ZNF462: variants seen among roughly 807,000 people sequenced by gnomAD.
The protein encoded by ZNF462 is zinc finger protein 462.
In ZNF462, 10 loss-of-function variants were observed where a neutral mutation model predicts 201.9. The ratio of observed to expected loss-of-function variants is 0.05; its 90% CI spans 0.03 to 0.08. The LOEUF (loss-of-function observed/expected upper bound fraction) is 0.08. Ranked by LOEUF, ZNF462 falls within the 10% of genes least tolerant of loss-of-function variation. The probability of loss-of-function intolerance (pLI) is 1.00; values close to 1 mark genes in which losing one functional copy is unlikely to be tolerated. For synonymous variants in ZNF462, 1,227 were observed against 1,193.3 expected (o/e 1.03, Z -0.58); for missense variants, 2,523 against 3,168.3 (o/e 0.80, Z 4.89).
At position 106,865,803 on chromosome 9, in the gene ZNF462, A is replaced by G. The variant is rs995632462; in HGVS notation, c.-31+2448A>G. Among the ~76,000 whole-genome samples, 1 of 152,232 alleles carries G rather than the reference A, an allele frequency of 6.6e-6. No homozygotes were observed. Among genetic ancestry groups the G allele is most frequent in the Non-Finnish European group, 1.5e-5 (1 of 68,044 alleles). ...GAATTTATTAATCATGTAGGAAGAC[A>G]TTTTGTGAGGATAATTTGAAAAAAG... On this transcript the variant is annotated intron_variant, in intron 1 of 12. Coordinates refer to ENST00000277225, the MANE Select transcript of ZNF462 (RefSeq NM_021224.6). The surrounding 1 kb of genome is among the most constrained non-coding windows in gnomAD (Gnocchi z 4.1).
chr9:106,928,937 C>T lies in ZNF462; in HGVS notation c.5025C>T (p.Ile1675=), dbSNP rs575845522. 1.5e-5 allele frequency: 24 copies of T among 1,613,970 alleles called. No individual in the cohort carries two copies. The highest frequency in any genetic ancestry group is 1.3e-4 in the East Asian group (6 of 44,866). Residue 1675 remains isoleucine, a synonymous_variant, in exon 3 of 13, where the codon ATC becomes ATT. Transcript: ENST00000277225. This position sits in a 1 kb window ranked among gnomAD's most constrained non-coding sequence, Gnocchi z 9.3. The part of the protein sequence containing the change: ...CKYFCSTRKG[I]ARHYRIKHNN... Reference sequence around the variant, plus strand: ...ACTTCTGCTCCACGAGGAAGGGGATCGCCAGGCACTACCGCATCAAGCACA... The same window carrying T: ...ACTTCTGCTCCACGAGGAAGGGGATTGCCAGGCACTACCGCATCAAGCACA...
intron 7 of ZNF462, among the ~76,000 whole-genome samples, chr9:106,965,937 G>A (rs1454872193): frequency 6.6e-6 from 1 of 152,054 alleles, no homozygotes; most frequent in Non-Finnish European, 1.5e-5. Context: ...ATTAAATAAA[G>A]TACATTTTTA....
At chr9:106,955,911 C>G (rs1283015906) in intron 7 of ZNF462, among the ~76,000 whole-genome samples, 1 of 152,118 alleles carries the variant, frequency 6.6e-6, no homozygotes, top group Non-Finnish European at 1.5e-5. Context: ...TTCTGGTTCT[C>G]TTGGTGTTTG....
chr9:106,995,328 CTA>C (rs1828622955), intron 10 of ZNF462, among the ~76,000 whole-genome samples: 1 of 152,030 alleles, frequency 6.6e-6, no homozygotes, highest in African/African-American at 2.4e-5. Context: ...TCTGGGTACT[CTA>C]TGATTCTTTG....
chr9:106,894,227 G>A (rs955294912), intron 1 of ZNF462, among the ~76,000 whole-genome samples: 1 of 152,204 alleles, frequency 6.6e-6, no homozygotes, highest in Non-Finnish European at 1.5e-5. Flanking sequence ...GGTGCTGCTA[G>A]GCCGAGGTTC....
Position 106,924,779 on chromosome 9 carries a change from G to A in ZNF462, c.867G>A (p.Pro289=), listed in dbSNP as rs201859562. The A allele has an allele frequency of 2.2e-5, 36 of 1,614,102 alleles. No individual in the cohort carries two copies. The East Asian group carries it at 3.6e-4, about 16-fold the overall frequency. The part of the protein sequence containing the change: ...QQEGTNLPDV[P]NKSAPSPTSN... ...AAGGAACTAATCTACCTGATGTGCC[G>A]AACAAGAGTGCCCCCAGCCCCACTT... is the stretch of plus-strand genomic sequence containing the variant. The change falls in exon 3 of 13, where the codon CCG becomes CCA. Residue 289 remains proline (P), a synonymous_variant. Transcript: ENST00000277225. The surrounding 1 kb of genome is among the most constrained non-coding windows in gnomAD (Gnocchi z 6.2).
intron 7 of ZNF462, among the ~76,000 whole-genome samples, chr9:106,951,354 G>C (rs1831338443): frequency 6.6e-6 from 1 of 152,198 alleles, no homozygotes; most frequent in African/African-American, 2.4e-5. Flanking sequence ...GCCAAGAGCA[G>C]AATAAGAGTT....
At position 106,997,137 on chromosome 9, in the gene ZNF462, T is replaced by C. The variant is rs150503482; in HGVS notation, c.7057-6157T>C. On this transcript the variant is annotated intron_variant, in intron 10 of 12. Transcript: ENST00000277225. ...CCCCCCCAGCTTTATTGAGGTATAA[T>C]TGATAAATGAAATTGTACATATGTA... Among the ~76,000 whole-genome samples, 112 of 152,120 alleles carry C rather than the reference T, an allele frequency of 7.4e-4. 1 individual carries two copies. Among genetic ancestry groups the C allele is most frequent in the African/African-American group, 2.6e-3 (106 of 41,484 alleles).
intron 9 of ZNF462, chr9:106,975,629 A>T (rs1292722918): frequency 3.9e-5 from 6 of 152,132 alleles, no homozygotes; most frequent in Non-Finnish European, 5.9e-5. Context: ...CGCCTCAGTC[A>T]CCTGGCTTCC....
chr9:106,966,174 T>C lies in ZNF462; in HGVS notation c.6428-5831T>C, dbSNP rs1021348114. On this transcript the variant is annotated intron_variant, in intron 7 of 12. Coordinates refer to ENST00000277225, the MANE Select transcript of ZNF462 (RefSeq NM_021224.6). This position sits in a 1 kb window ranked among gnomAD's most constrained non-coding sequence, Gnocchi z 4.4. ...AGAAAATTACAATCCATGTATTATT[T>C]TGAACTTCCTATGCTATTTTAGAAC... is the stretch of plus-strand genomic sequence containing the variant. Among the ~76,000 whole-genome samples the C allele has an allele frequency of 1.3e-5, 2 of 152,096 alleles. No individual in the cohort carries two copies. Among genetic ancestry groups the C allele is most frequent in the Non-Finnish European group, 2.9e-5 (2 of 67,992 alleles).
chr9:106,867,920 T>C (rs2130798147), intron 1 of ZNF462, among the ~76,000 whole-genome samples: 1 of 152,308 alleles, frequency 6.6e-6, no homozygotes, highest in Admixed American at 6.5e-5. Context: ...AGAACAGAGA[T>C]GCTGTTTCAT....
chr9:106,908,725 T>A (rs1477012181), intron 1 of ZNF462, among the ~76,000 whole-genome samples: 1 of 151,082 alleles, frequency 6.6e-6, no homozygotes, highest in Non-Finnish European at 1.5e-5. Context: ...TTCATTTTAT[T>A]ATATAATCTG....
chr9:106,927,298 T>C lies in ZNF462; in HGVS notation c.3386T>C (p.Val1129Ala). 1 of 1,572,416 alleles carries C rather than the reference T, an allele frequency of 6.4e-7. No individual in the cohort carries two copies. Among genetic ancestry groups the C allele is most frequent in the Non-Finnish European group, 8.6e-7 (1 of 1,160,960 alleles). ...TACAGCAATCGGTCAGTTGTGGGAG[T>C]GCTTGTCCACTACCAGAAAAGACAC... ...CSYSNRSVVG[V>A]LVHYQKRHPE... The change falls in exon 3 of 13, where the codon GTG becomes GCG. Residue 1129 changes from valine to alanine, a missense_variant. Val to Ala is a moderately conservative substitution (Grantham distance 64). Transcript: ENST00000277225.
At position 107,010,789 on chromosome 9, in the gene ZNF462, T is replaced by C; in HGVS notation, c.7314-34T>C. 1 of 1,568,208 alleles carries C rather than the reference T, an allele frequency of 6.4e-7. No homozygotes were observed. Among genetic ancestry groups the C allele is most frequent in the Non-Finnish European group, 8.7e-7 (1 of 1,150,430 alleles). On this transcript the variant is annotated intron_variant, in intron 12 of 12. Transcript: ENST00000277225. The surrounding 1 kb of genome is among the most constrained non-coding windows in gnomAD (Gnocchi z 4.6). The stretch of plus-strand genomic sequence containing the variant: ...TTTAAAAAGAGAAATATATATACTA[T>C]ACTCATCTGTCTCTTCGATAAATGT...
At position 106,930,621 on chromosome 9, in the gene ZNF462, G is replaced by C; in HGVS notation, c.5944G>C (p.Ala1982Pro). 6.2e-7 allele frequency: 1 copy of C among 1,614,164 alleles called. No homozygotes were observed. Among genetic ancestry groups the C allele is most frequent in the Non-Finnish European group, 8.5e-7 (1 of 1,180,034 alleles). The change falls in exon 4 of 13, where the codon GCC (alanine) becomes CCC (proline). Residue 1982 changes from alanine (A) to proline (P), a missense_variant. Physicochemically the swap from Ala to Pro is conservative, Grantham distance 27 (BLOSUM62 -1). Around this residue, in one of 15 missense-constraint regions of ZNF462, gnomAD observed 107 missense variants for 187.7 expected, o/e 0.57. Transcript: ENST00000277225. The surrounding 1 kb of genome is among the most constrained non-coding windows in gnomAD (Gnocchi z 5.8). Reference protein sequence around the residue: ...FCVEVHPTLRAICNHLRKHVQ... With the variant: ...FCVEVHPTLRPICNHLRKHVQ... ...TGTGGAAGTGCACCCAACGCTCCGA[G>C]CCATCTGCAATCACCTCCGAAAGCA...
chr9:106,921,014 G>T (rs1829968832), intron 1 of ZNF462, among the ~76,000 whole-genome samples: 1 of 152,206 alleles, frequency 6.6e-6, no homozygotes, highest in Admixed American at 6.5e-5. Flanking sequence ...TACAGCCTTT[G>T]TGTTGAAGGG....
At chr9:106,992,374 G>A (rs75620657) in intron 10 of ZNF462, among the ~76,000 whole-genome samples, 6,930 of 152,112 alleles carry the variant, frequency 0.046, 322 homozygotes, top group East Asian at 0.16. Context: ...TAGACAAACT[G>A]GAATCTCATA....
intron 1 of ZNF462, among the ~76,000 whole-genome samples, chr9:106,889,731 C>T (rs1046877395): frequency 1.3e-5 from 2 of 152,186 alleles, no homozygotes; most frequent in African/African-American, 4.8e-5. Flanking sequence ...GACCTAGACC[C>T]TGCCTTTCAG....
At chr9:106,992,192 C>T (rs1479339448) in intron 10 of ZNF462, among the ~76,000 whole-genome samples, 1 of 151,968 alleles carries the variant, frequency 6.6e-6, no homozygotes, top group Non-Finnish European at 1.5e-5. Flanking sequence ...TTTGAATAGA[C>T]ACCTTACCAA....
Sources: gnomAD v4.1 joint callset for allele counts (sites outside exome capture counted in the v4.1 genomes callset) on GRCh38, gnomAD v4.1.1 for gene constraint, gnomAD v4.1.1 regional missense constraint, Gnocchi (gnomAD v3.1) non-coding constraint, MANE v1.5 for transcripts, NCBI Gene and HGNC (gene_info 2026-07-23, HGNC 2026-07-21) for gene names.